MAML2: variants seen among roughly 807,000 people sequenced by gnomAD.
The protein encoded by MAML2 is mastermind like transcriptional coactivator 2.
In MAML2, 22 loss-of-function variants were observed where a neutral mutation model predicts 96.1. The observed-to-expected ratio is 0.23, with a 90% CI of 0.16 to 0.33. The LOEUF (loss-of-function observed/expected upper bound fraction) is 0.33. Ranked by LOEUF, MAML2 falls within the 10% of genes least tolerant of loss-of-function variation. The probability of loss-of-function intolerance (pLI) is 1.00; values close to 1 mark genes in which losing one functional copy is unlikely to be tolerated. For missense variants in MAML2, 1,367 were observed against 1,392.4 expected, an observed-to-expected ratio of 0.98 and a Z score of 0.29; for synonymous variants, 561 against 521.3, an observed-to-expected ratio of 1.08 and a Z score of -1.04.
chr11:96,046,219 C>T (rs576423516), intron 2 of MAML2, among the ~76,000 whole-genome samples: 3 of 152,042 alleles, frequency 2.0e-5, no homozygotes, highest in African/African-American at 4.8e-5. Flanking sequence ...AAGCATATGC[C>T]GCCAACCATT....
At chr11:95,992,044 A>G (rs962855210) in intron 2 of MAML2, among the ~76,000 whole-genome samples, 1 of 152,156 alleles carries the variant, frequency 6.6e-6, no homozygotes, top group African/African-American at 2.4e-5. Context: ...AAACCTCTCA[A>G]TTTCTCAGGA....
intron 1 of MAML2, among the ~76,000 whole-genome samples, chr11:96,237,084 T>C (rs1862376127): frequency 6.6e-6 from 1 of 152,206 alleles, no homozygotes; most frequent in Admixed American, 6.5e-5. Flanking sequence ...TCTGCATCAG[T>C]CTAAGCAGTT....
intron 4 of MAML2, among the ~76,000 whole-genome samples, chr11:95,981,546 C>A (rs1367760666): frequency 6.6e-6 from 1 of 152,250 alleles, no homozygotes; most frequent in Middle Eastern, 3.4e-3. Context: ...TGGTATACAT[C>A]CTGAAAAACT....
intron 1 of MAML2, among the ~76,000 whole-genome samples, chr11:96,296,288 A>G (rs375626284): frequency 1.3e-5 from 2 of 152,338 alleles, no homozygotes; most frequent in East Asian, 3.9e-4. Flanking sequence ...TTGAAAAAAT[A>G]CTACCCTAAA....
intron 1 of MAML2, among the ~76,000 whole-genome samples, chr11:96,155,509 A>ATATATATATATATAT (rs1860995339): frequency 2.7e-5 from 2 of 74,848 alleles, no homozygotes; most frequent in Admixed American, 3.1e-4. Context: ...TAACAATTCA[A>ATATATATATATATAT]ATATATATAT....
intron 1 of MAML2, among the ~76,000 whole-genome samples, chr11:96,143,811 C>G (rs142803257): frequency 3.9e-4 from 60 of 152,300 alleles, no homozygotes; most frequent in African/African-American, 1.4e-3. Flanking sequence ...AGAACAGAAG[C>G]CTTACTTGAA....
At chr11:96,176,142 A>C (rs1426755447) in intron 1 of MAML2, among the ~76,000 whole-genome samples, 1 of 152,190 alleles carries the variant, frequency 6.6e-6, no homozygotes, top group Admixed American at 6.5e-5. Flanking sequence ...ATGCTGGGTC[A>C]TTAGCCCAAA....
At chr11:96,147,959 A>C (rs1860845802) in intron 1 of MAML2, among the ~76,000 whole-genome samples, 1 of 152,236 alleles carries the variant, frequency 6.6e-6, no homozygotes, top group African/African-American at 2.4e-5. Context: ...CAGGGGCTTT[A>C]GGCATAATGA....
At chr11:96,162,730 A>G (rs1861131954) in intron 1 of MAML2, among the ~76,000 whole-genome samples, 1 of 151,428 alleles carries the variant, frequency 6.6e-6, no homozygotes, top group Non-Finnish European at 1.5e-5. Context: ...AAAAAAAAAA[A>G]AGGAAGTTAA....
rs560092375 is a variant in MAML2 at position 96,191,629 on chromosome 11, G to C, written c.514-98112C>G. ...CTACTAAAAATATAAAAAATTAGCC[G>C]GGCATGGTGGCGGGCGCCGGTAGTC... On this transcript the variant is annotated intron_variant, in intron 1 of 4. Transcript: ENST00000524717. Among the ~76,000 whole-genome samples the C allele has an allele frequency of 2.3e-3, 350 of 151,710 alleles. 1 individual carries two copies. Among genetic ancestry groups the C allele is most frequent in the Non-Finnish European group, 4.3e-3 (289 of 67,934 alleles).
In MAML2 at chr11:96,299,060, A is replaced by AATATATATATATATATATATATATATAT. The variant is rs1555037073; in HGVS notation, c.513+42322_513+42323insATATATATATATATATATATATATATAT. 5.2e-4 allele frequency among the ~76,000 whole-genome samples: 29 copies of AATATATATATATATATATATATATATAT among 56,304 alleles called. 1 individual carries two copies. Among genetic ancestry groups the AATATATATATATATATATATATATATAT allele is most frequent in the African/African-American group, 1.9e-3 (21 of 11,168 alleles). 36.9% of individuals were successfully genotyped at this position (56,304 alleles called of 152,430 possible). ...AGTCCATCTCAAAAAAAAAAAAAAA[A>AATATATATATATATATATATATATATAT]ATATATATATATATATATATAAAAT... On this transcript the variant is annotated intron_variant, in intron 1 of 4. Transcript: ENST00000524717.
intron 1 of MAML2, among the ~76,000 whole-genome samples, chr11:96,214,522 G>A (rs1862020092): frequency 3.9e-5 from 6 of 152,150 alleles, no homozygotes; most frequent in Admixed American, 3.9e-4. Context: ...TGGTGATCAT[G>A]TACAACAAAA....
At chr11:96,031,379 A>G (rs2135746146) in intron 2 of MAML2, among the ~76,000 whole-genome samples, 1 of 152,166 alleles carries the variant, frequency 6.6e-6, no homozygotes, top group South Asian at 2.1e-4. Context: ...TCTCTCTTTG[A>G]CAAAACTGTA....
At chr11:96,285,020 A>G (rs1863118969) in intron 1 of MAML2, among the ~76,000 whole-genome samples, 1 of 152,184 alleles carries the variant, frequency 6.6e-6, no homozygotes, top group African/African-American at 2.4e-5. Flanking sequence ...CTCTTGCCCC[A>G]ATAAGACCCA....
At chr11:96,269,590 C>G (rs1862884548) in intron 1 of MAML2, among the ~76,000 whole-genome samples, 1 of 144,442 alleles carries the variant, frequency 6.9e-6, no homozygotes, top group South Asian at 2.2e-4. Flanking sequence ...CAGCTCACCG[C>G]AACCTCTGCC....
At chr11:96,164,597 A>G (rs1265820858) in intron 1 of MAML2, among the ~76,000 whole-genome samples, 1 of 152,238 alleles carries the variant, frequency 6.6e-6, no homozygotes, top group African/African-American at 2.4e-5. Flanking sequence ...ATTGTGCCAA[A>G]GCCCCAAACT....
At chr11:96,257,898 T>C (rs1215854256) in intron 1 of MAML2, among the ~76,000 whole-genome samples, 1 of 152,180 alleles carries the variant, frequency 6.6e-6, no homozygotes, top group Admixed American at 6.5e-5. Flanking sequence ...TTATAAAGAA[T>C]AAAAGTCTGA....
At chr11:96,269,271 T>A (rs893982430) in intron 1 of MAML2, among the ~76,000 whole-genome samples, 1 of 144,688 alleles carries the variant, frequency 6.9e-6, no homozygotes, top group African/African-American at 2.7e-5. Flanking sequence ...TCTATGGTTC[T>A]GTGAATCTGG....
At chr11:96,109,039 A>G (rs1055393442) in intron 1 of MAML2, among the ~76,000 whole-genome samples, 1 of 149,484 alleles carries the variant, frequency 6.7e-6, no homozygotes, top group African/African-American at 2.4e-5. Flanking sequence ...AAAAATGTAT[A>G]AGCAACTTGA....
Sources: gnomAD v4.1 joint callset for allele counts (sites outside exome capture counted in the v4.1 genomes callset) on GRCh38, gnomAD v4.1.1 for gene constraint, MANE v1.5 for transcripts, NCBI Gene and HGNC (gene_info 2026-07-23, HGNC 2026-07-21) for gene names.